FHAD1: variants seen among roughly 807,000 people sequenced by gnomAD.
FHAD1 encodes the protein forkhead-associated domain-containing protein 1.
In FHAD1, 146 loss-of-function variants were observed where a neutral mutation model predicts 191.3. The observed-to-expected ratio is 0.76, with a 90% CI of 0.67 to 0.88. FHAD1 has a LOEUF of 0.88. Among genes scored for constraint, FHAD1 ranks in the 40% least tolerant of loss-of-function variants. The pLI, the probability that FHAD1 is intolerant of heterozygous loss-of-function variation, is 0.00. For missense variants in FHAD1, 1,635 were observed against 1,785.8 expected, an observed-to-expected ratio of 0.92 and a Z score of 1.52; for synonymous variants, 616 against 672.3, an observed-to-expected ratio of 0.92 and a Z score of 1.29.
chr1:15,369,311 G>A, intron 25 of FHAD1, 59 bp from the exon 26 acceptor site: 1 of 1,536,878 alleles, frequency 6.5e-7, no homozygotes, highest in Non-Finnish European at 8.8e-7. Flanking sequence ...CTTCCAATGA[G>A]TGTAAAAGTA....
rs1658328944 is a variant in FHAD1 at position 15,276,235 on chromosome 1, T to C, written c.300+3706T>C. Among the ~76,000 whole-genome samples the C allele has an allele frequency of 6.6e-6, 1 of 152,182 alleles. No homozygotes were observed. The highest frequency in any genetic ancestry group is 2.4e-5 in the African/African-American group (1 of 41,454). On this transcript the variant is annotated intron_variant, in intron 3 of 33. Transcript: ENST00000688493. The surrounding 1 kb of genome is among the most constrained non-coding windows in gnomAD (Gnocchi z 4.7). ...TACTGTAGTAGTAAACGGGTCATTG[T>C]TTGCAAATTGCTTAGCCCAGTATCT...
intron 6 of FHAD1, among the ~76,000 whole-genome samples, chr1:15,307,691 C>G (rs1302135124): frequency 1.3e-5 from 2 of 152,018 alleles, no homozygotes; most frequent in Non-Finnish European, 2.9e-5. Context: ...ATTCTGAGGC[C>G]TCCCCAGCCA....
rs1700898550 is a variant in FHAD1 at position 15,381,515 on chromosome 1, G to A, written c.4022+64G>A. On this transcript the variant is annotated intron_variant, in intron 30 of 33. Transcript: ENST00000688493. The surrounding 1 kb of genome is among the most constrained non-coding windows in gnomAD (Gnocchi z 4.6). Reference sequence around the variant, plus strand: ...GCCTCCCTTCTCCTGGCTAAACTCAGGCTAGCAGCAGACCTCTAGGCCTGG... The same window carrying A: ...GCCTCCCTTCTCCTGGCTAAACTCAAGCTAGCAGCAGACCTCTAGGCCTGG... The A allele has an allele frequency of 1.5e-6, 2 of 1,300,828 alleles. No homozygotes were observed. Among genetic ancestry groups the A allele is most frequent in the Non-Finnish European group, 2.2e-6 (2 of 923,918 alleles). The allele number at this position is 1,300,828 out of a possible 1,614,324, so 80.6% of individuals were successfully genotyped here. A position where few individuals can be genotyped will look rare whatever the true frequency, so the allele number is the denominator to read the frequency against.
intron 3 of FHAD1, among the ~76,000 whole-genome samples, chr1:15,286,755 A>G (rs1662588118): frequency 1.3e-5 from 2 of 152,204 alleles, no homozygotes; most frequent in African/African-American, 2.4e-5. Context: ...ACAATCTCCA[A>G]AAGATGCTGA....
At chr1:15,287,497 G>T (rs1428101763) in intron 3 of FHAD1, among the ~76,000 whole-genome samples, 1 of 152,172 alleles carries the variant, frequency 6.6e-6, no homozygotes, top group African/African-American at 2.4e-5. Flanking sequence ...AGAGCAAGGG[G>T]GTGGGGAAAG....
At position 15,381,211 on chromosome 1, in the gene FHAD1, C is replaced by A; in HGVS notation, c.3802-20C>A. ...GCGGCCGCGGGTAATGCCTCTTATG[C>A]GCGAACGTTTTCCTTGTAGTACCTG... On this transcript the variant is annotated intron_variant, in intron 29 of 33. Transcript: ENST00000688493. This position sits in a 1 kb window ranked among gnomAD's most constrained non-coding sequence, Gnocchi z 4.6. 1 of 1,530,736 alleles carries A rather than the reference C, an allele frequency of 6.5e-7. No individual in the cohort carries two copies. Among genetic ancestry groups the A allele is most frequent in the Non-Finnish European group, 8.9e-7 (1 of 1,128,462 alleles). The allele number at this position is 1,530,736 out of a possible 1,614,324, so 94.8% of individuals were successfully genotyped here. A position where few individuals can be genotyped will look rare whatever the true frequency, so the allele number is the denominator to read the frequency against.
At chr1:15,308,877 G>A in intron 7 of FHAD1, 141 bp downstream of exon 7, 1 of 1,299,264 alleles carries the variant, frequency 7.7e-7, no homozygotes, top group Admixed American at 2.2e-5. Flanking sequence ...AGCCCTTTAG[G>A]CAGTTCCTGT....
chr1:15,392,424 C>T (rs536767534), intron 33 of FHAD1, among the ~76,000 whole-genome samples: 1 of 152,158 alleles, frequency 6.6e-6, no homozygotes, highest in African/African-American at 2.4e-5. Flanking sequence ...CCCAGCTACT[C>T]GGGAGGCTGA....
intron 6 of FHAD1, among the ~76,000 whole-genome samples, chr1:15,303,707 A>G (rs2104605): frequency 0.54 from 81,322 of 151,918 alleles, 23,186 homozygotes; most frequent in African/African-American, 0.73. Context: ...AAGTTAGCCA[A>G]GCGTGATGGT....
chr1:15,307,064 C>CA lies in FHAD1; in HGVS notation c.916-1548dup, dbSNP rs1385625258. 4.6e-5 allele frequency among the ~76,000 whole-genome samples: 7 copies of CA among 152,314 alleles called. No individual in the cohort carries two copies. The East Asian group carries it at 1.4e-3, about 29-fold the overall frequency. On this transcript the variant is annotated intron_variant, in intron 6 of 33. Transcript: ENST00000688493. Reference sequence around the variant, plus strand: ...AGAGAGGTTGTACCCTGCAAAGCCACAGGGATGGAGCTGCCCAAGACCATG... The same window carrying CA: ...AGAGAGGTTGTACCCTGCAAAGCCACAAGGGATGGAGCTGCCCAAGACCATG...
intron 2 of FHAD1, among the ~76,000 whole-genome samples, chr1:15,269,402 A>G (rs892063057): frequency 3.3e-5 from 5 of 152,078 alleles, no homozygotes; most frequent in Non-Finnish European, 7.4e-5. Context: ...TTCTCCTGAG[A>G]TTTCTTCCTT....
intron 26 of FHAD1, among the ~76,000 whole-genome samples, chr1:15,374,262 G>A (rs934090441): frequency 7.2e-5 from 11 of 152,208 alleles, no homozygotes; most frequent in Admixed American, 4.6e-4. Context: ...CGTGGAGAGG[G>A]AACGTGGAGG....
chr1:15,285,728 C>T lies in FHAD1; in HGVS notation c.301-3671C>T, dbSNP rs575438559. Among the ~76,000 whole-genome samples the T allele has an allele frequency of 4.6e-5, 7 of 152,222 alleles. No homozygotes were observed. In the South Asian group the frequency reaches 1.5e-3, roughly 32 times the overall value. On this transcript the variant is annotated intron_variant, in intron 3 of 33. Transcript: ENST00000688493. Reference sequence around the variant, plus strand: ...TGAGCAGTTAGTGCAGGGTGCAACGCGAGCCAGGGCTCAAAACCAGCTTCT... The same window carrying T: ...TGAGCAGTTAGTGCAGGGTGCAACGTGAGCCAGGGCTCAAAACCAGCTTCT...
At chr1:15,376,055 T>A (rs1180137109) in intron 28 of FHAD1, among the ~76,000 whole-genome samples, 3 of 80,278 alleles carry the variant, frequency 3.7e-5, no homozygotes, top group African/African-American at 1.7e-4. Flanking sequence ...TTTTATTTAT[T>A]TATTTATTTA....
chr1:15,364,469 G>A (rs1025223734), intron 23 of FHAD1, among the ~76,000 whole-genome samples: 4 of 152,148 alleles, frequency 2.6e-5, no homozygotes, highest in African/African-American at 9.7e-5. Flanking sequence ...AATTAGCCAG[G>A]CATGGTGGCA....
intron 5 of FHAD1, among the ~76,000 whole-genome samples, chr1:15,298,434 T>G (rs531609796): frequency 2.6e-5 from 4 of 152,322 alleles, no homozygotes; most frequent in Admixed American, 2.6e-4. Context: ...CAGTGTATAC[T>G]GCCTAGGTGA....
At chr1:15,287,933 A>T (rs1663080807) in intron 3 of FHAD1, among the ~76,000 whole-genome samples, 1 of 152,208 alleles carries the variant, frequency 6.6e-6, no homozygotes, top group Non-Finnish European at 1.5e-5. Context: ...GTCTGAGCTC[A>T]TCTTCTCTCT....
At chr1:15,255,504 T>C (rs1557926014) in intron 2 of FHAD1, among the ~76,000 whole-genome samples, 1 of 152,288 alleles carries the variant, frequency 6.6e-6, no homozygotes, top group East Asian at 1.9e-4. Flanking sequence ...AGAAAGCCTG[T>C]TTTAGCCAGC....
chr1:15,331,584 G>A (rs1286676498), intron 14 of FHAD1, among the ~76,000 whole-genome samples: 4 of 138,590 alleles, frequency 2.9e-5, no homozygotes, highest in South Asian at 5.0e-4. Context: ...GGAAGGGTGG[G>A]TGGATAGAAG....
Sources: gnomAD v4.1 joint callset for allele counts (sites outside exome capture counted in the v4.1 genomes callset) on GRCh38, gnomAD v4.1.1 for gene constraint, Gnocchi (gnomAD v3.1) non-coding constraint, MANE v1.5 for transcripts, NCBI Gene and HGNC (gene_info 2026-07-23, HGNC 2026-07-21) for gene names.